Variants in FBLN7 observed in about 807,000 individuals in gnomAD.
The protein encoded by FBLN7 is fibulin 7, also known as fibulin-7.
Under a neutral mutation model 44.0 loss-of-function variants are expected in FBLN7, and 31 were observed. The ratio of observed to expected loss-of-function variants is 0.70; its 90% CI spans 0.53 to 0.95. The LOEUF is 0.95. Ranked by LOEUF, FBLN7 falls within the 40% of genes least tolerant of loss-of-function variation. FBLN7 has a pLI of 0.00. For missense variants in FBLN7, 573 were observed against 618.5 expected, an observed-to-expected ratio of 0.93 and a Z score of 0.78; for synonymous variants, 262 against 253.4, an observed-to-expected ratio of 1.03 and a Z score of -0.32.
chr2:112,219,023 A>G, the FBLN7 span, among the ~76,000 whole-genome samples: 1 of 152,320 alleles, frequency 6.6e-6, no homozygotes, highest in South Asian at 2.1e-4. Context: ...TGTTATTACT[A>G]CCCAAAGCAA....
rs553939625 is a variant in FBLN7, at chr2:112,184,630, AGT to A, written c.809-564_809-563del. On this transcript the variant is annotated intron_variant, in intron 6 of 7. Coordinates refer to ENST00000331203, the MANE Select transcript of FBLN7 (RefSeq NM_153214.3). ...TTCTAGAAGATTCTAATTTAAAAAA[AGT>A]GTGTGTATATATAGTATATATAGGT... 5.0e-3 allele frequency among the ~76,000 whole-genome samples: 562 copies of A among 112,524 alleles called. 7 individuals are homozygous for A. Among genetic ancestry groups the A allele is most frequent in the African/African-American group, 0.019 (542 of 28,566 alleles). 73.8% of individuals were successfully genotyped at this position (112,524 alleles called of 152,430 possible).
chr2:112,189,211 A>G (rs1321909134), downstream of FBLN7: 3 of 152,272 alleles, frequency 2.0e-5, no homozygotes, highest in African/African-American at 7.2e-5. Context: ...GGTGCCCTCT[A>G]AACTGGTATA....
the FBLN7 span, among the ~76,000 whole-genome samples, chr2:112,209,413 A>T: frequency 6.6e-6 from 1 of 152,228 alleles, no homozygotes; most frequent in Non-Finnish European, 1.5e-5. Context: ...CAACCATTTT[A>T]GCTTTCTGGT....
At position 112,156,546 on chromosome 2, in the gene FBLN7, G is replaced by A. The variant is rs77452383; in HGVS notation, c.76-3130G>A. ...GCCCCCCTTTTTTAAGGAAGGGGAC[G>A]TGGGTGTGGGAAATCAGGTTTGGGT... On this transcript the variant is annotated intron_variant, in intron 1 of 7. Transcript: ENST00000331203. 3.2e-3 allele frequency among the ~76,000 whole-genome samples: 480 copies of A among 152,338 alleles called. 2 individuals are homozygous for A. Among genetic ancestry groups the A allele is most frequent in the African/African-American group, 0.011 (457 of 41,576 alleles).
intron 2 of FBLN7, among the ~76,000 whole-genome samples, chr2:112,160,792 GCACACACGCA>G (rs1170749098): frequency 6.8e-5 from 9 of 132,004 alleles, no homozygotes; most frequent in Non-Finnish European, 1.1e-4. Context: ...GCACGCACAC[GCACACACGCA>G]CGCACACACA....
the FBLN7 span, among the ~76,000 whole-genome samples, chr2:112,242,277 AGAAATC>A: frequency 6.6e-6 from 1 of 152,134 alleles, no homozygotes; most frequent in Non-Finnish European, 1.5e-5. Context: ...TTGAAACAAA[AGAAATC>A]AAAAGAATAT....
intron 3 of FBLN7, among the ~76,000 whole-genome samples, chr2:112,172,029 C>T (rs764659178): frequency 1.6e-4 from 24 of 152,108 alleles, no homozygotes; most frequent in Non-Finnish European, 2.2e-4. Flanking sequence ...TTACAGGCGG[C>T]GCTAGCCACC....
At chr2:112,236,781 T>A in the FBLN7 span, 1 of 1,215,662 alleles carries the variant, frequency 8.2e-7, no homozygotes, top group Non-Finnish European at 1.1e-6. Context: ...GTGCAGTGGC[T>A]CATGTCTGTA....
chr2:112,171,148 A>G (rs1245466515), intron 3 of FBLN7, among the ~76,000 whole-genome samples: 1 of 152,158 alleles, frequency 6.6e-6, no homozygotes, highest in Non-Finnish European at 1.5e-5. Flanking sequence ...TCCACCCTAG[A>G]TGGGTAGACA....
At chr2:112,232,894 A>G in the FBLN7 span, among the ~76,000 whole-genome samples, 1 of 152,340 alleles carries the variant, frequency 6.6e-6, no homozygotes, top group East Asian at 1.9e-4. Context: ...AATACACAGA[A>G]AACAGGTACT....
rs968593407 is a variant in FBLN7 at position 112,159,583 on chromosome 2, A to T, written c.76-93A>T. 4.3e-6 allele frequency: 6 copies of T among 1,400,222 alleles called. No individual in the cohort carries two copies. The African/African-American group carries it at 9.0e-5, about 21-fold the overall frequency. The allele number at this position is 1,400,222 out of a possible 1,614,324, so 86.7% of individuals were successfully genotyped here. A position where few individuals can be genotyped will look rare whatever the true frequency, so the allele number is the denominator to read the frequency against. ...TGAGTGAGCTTCAAACGCGGTTTGG[A>T]CCCCGTGGCTTCGGCGATTTCGGAA... On this transcript the variant is annotated intron_variant, in intron 1 of 7. Coordinates refer to ENST00000331203, the MANE Select transcript of FBLN7 (RefSeq NM_153214.3).
the FBLN7 span, among the ~76,000 whole-genome samples, chr2:112,225,748 C>T: frequency 1.3e-5 from 2 of 151,998 alleles, no homozygotes; most frequent in African/African-American, 2.4e-5. Flanking sequence ...ACCCAGGAGA[C>T]GGAAGTTGCA....
At chr2:112,153,194 A>G (rs953493969) in intron 1 of FBLN7, 2 of 152,238 alleles carry the variant, frequency 1.3e-5, no homozygotes, top group African/African-American at 4.8e-5. Flanking sequence ...TAGAGAGCAC[A>G]TTCACGAATT....
the FBLN7 span, among the ~76,000 whole-genome samples, chr2:112,208,943 T>C: frequency 6.6e-6 from 1 of 152,190 alleles, no homozygotes; most frequent in Non-Finnish European, 1.5e-5. Context: ...AAAAAGGTGA[T>C]GATGATGTGG....
chr2:112,195,067 G>A, the FBLN7 span, among the ~76,000 whole-genome samples: 6 of 152,206 alleles, frequency 3.9e-5, no homozygotes, highest in Admixed American at 1.3e-4. Context: ...ATTAGAGGAA[G>A]TCTAATGAGA....
chr2:112,167,273 AC>A (rs1359796952), intron 3 of FBLN7, among the ~76,000 whole-genome samples: 3 of 152,238 alleles, frequency 2.0e-5, no homozygotes, highest in African/African-American at 7.2e-5. Context: ...GGAGATAGAT[AC>A]AAAACACTGG....
rs554316020 is a variant in FBLN7, at chr2:112,154,541, G to A, written c.76-5135G>A. ...GAGTGGGAGGTCAGCTTCGAGGGCT[G>A]TGCGGAGCCTGGGGTTGCTTTTCAC... On this transcript the variant is annotated intron_variant, in intron 1 of 7. Coordinates refer to ENST00000331203, the MANE Select transcript of FBLN7 (RefSeq NM_153214.3). 7.1e-4 allele frequency among the ~76,000 whole-genome samples: 108 copies of A among 152,320 alleles called. 1 individual carries two copies. The highest frequency in any genetic ancestry group is 2.6e-3 in the African/African-American group (107 of 41,568).
chr2:112,213,850 TAA>T, the FBLN7 span: 1 of 120,564 alleles, frequency 8.3e-6, no homozygotes, highest in Non-Finnish European at 1.7e-5. Context: ...TAACTGACCA[TAA>T]AAAGACCCAT....
intron 3 of FBLN7, among the ~76,000 whole-genome samples, chr2:112,170,450 C>A (rs1325551255): frequency 6.6e-6 from 1 of 151,040 alleles, no homozygotes. Flanking sequence ...TCACTTGAAC[C>A]CGGGAGGCAG....
Sources: gnomAD v4.1 joint callset for allele counts (sites outside exome capture counted in the v4.1 genomes callset) on GRCh38, gnomAD v4.1.1 for gene constraint, MANE v1.5 for transcripts, NCBI Gene and HGNC (gene_info 2026-07-23, HGNC 2026-07-21) for gene names.